PCDHGA7: variants seen among roughly 807,000 people sequenced by gnomAD.
PCDHGA7 encodes protocadherin gamma-A7.
A neutral mutation model predicts 58.3 loss-of-function variants in PCDHGA7; 44 were observed. The ratio of observed to expected loss-of-function variants is 0.75; its 90% CI spans 0.59 to 0.97. PCDHGA7 has a LOEUF of 0.97. PCDHGA7 is among the 50% of genes least tolerant of loss of function. The pLI is 0.00. For synonymous variants in PCDHGA7, 516 were observed against 504.2 expected (o/e 1.02, Z -0.31); for missense variants, 1,266 against 1,188.7 (o/e 1.06, Z -0.96).
rs780268305 is a variant in PCDHGA7, at chr5:141,410,637, T to G, written c.2424+25314T>G. 1.9e-6 allele frequency: 3 copies of G among 1,599,938 alleles called. No homozygotes were observed. In the South Asian group the frequency reaches 3.3e-5, roughly 18 times the overall value. ...CTGACTTCGGTGAGTTTCTCTTTTT[T>G]GTGTGTGATTTATCTAATAGTCTAC... On this transcript the variant is annotated intron_variant, in intron 1 of 3. Transcript: ENST00000518325.
chr5:141,509,839 T>C (rs1277859334), intron 3 of PCDHGA7, among the ~76,000 whole-genome samples: 4 of 152,162 alleles, frequency 2.6e-5, no homozygotes, highest in Non-Finnish European at 5.9e-5. Context: ...CTACCTCCCA[T>C]TCACTCAGAA....
Position 141,418,242 on chromosome 5 carries a change from A to T in PCDHGA7, c.2424+32919A>T, listed in dbSNP as rs779996033. ...ATTGTGGTGATTGAGGATGTTAATG[A>T]CCACGCCCCTCAATTCCGGAAAGAT... On this transcript the variant is annotated intron_variant, in intron 1 of 3. Transcript: ENST00000518325. The T allele has an allele frequency of 3.7e-6, 6 of 1,613,896 alleles. No individual in the cohort carries two copies. The East Asian group carries it at 1.3e-4, about 36-fold the overall frequency.
intron 2 of PCDHGA7, among the ~76,000 whole-genome samples, chr5:141,497,522 G>A (rs998999424): frequency 3.3e-5 from 5 of 150,848 alleles, no homozygotes; most frequent in African/African-American, 4.9e-5. Flanking sequence ...TAGTTAACTT[G>A]TGGAGGATGC....
intron 1 of PCDHGA7, chr5:141,400,262 G>A: frequency 6.2e-7 from 1 of 1,614,032 alleles, no homozygotes; most frequent in Non-Finnish European, 8.5e-7. Flanking sequence ...TTGCGCCTGC[G>A]ACGCTCCTCC....
At position 141,384,937 on chromosome 5, in the gene PCDHGA7, C is replaced by T. The variant is rs373048330; in HGVS notation, c.2038C>T (p.Pro680Ser). ...EVLADLGSLE[P>S]SDGPYNYDLT... ...CTTGGCCGACCTGGGCAGCCTTGAG[C>T]CCTCCGACGGTCCTTACAACTATGA... The change falls in exon 1 of 4, where the codon CCC becomes TCC. Residue 680 changes from proline (P) to serine (S), a missense_variant. Coordinates refer to ENST00000518325, the MANE Select transcript of PCDHGA7 (RefSeq NM_018920.4). 4.5e-5 allele frequency: 72 copies of T among 1,613,950 alleles called. No homozygotes were observed. The highest frequency in any genetic ancestry group is 2.3e-4 in the Admixed American group (14 of 60,012).
chr5:141,425,555 A>C (rs1282440598), intron 1 of PCDHGA7, among the ~76,000 whole-genome samples: 2 of 152,388 alleles, frequency 1.3e-5, no homozygotes, highest in Middle Eastern at 6.8e-3. Context: ...AACCTCTTTT[A>C]TAAGTGATAA....
At position 141,476,632 on chromosome 5, in the gene PCDHGA7, T is replaced by A. The variant is rs994726301; in HGVS notation, c.2425-18175T>A. ...TGGGAAGCAACTCTTTACAAACCTATGAGCTGAGCCGAAATGAATACTTTG... is the reference window on the plus strand; with the variant it reads ...TGGGAAGCAACTCTTTACAAACCTAAGAGCTGAGCCGAAATGAATACTTTG... On this transcript the variant is annotated intron_variant, in intron 1 of 3. Transcript: ENST00000518325. The surrounding 1 kb of genome is among the most constrained non-coding windows in gnomAD (Gnocchi z 7.6). 1 of 1,614,216 alleles carries A rather than the reference T, an allele frequency of 6.2e-7. No individual in the cohort carries two copies. The highest frequency in any genetic ancestry group is 8.5e-7 in the Non-Finnish European group (1 of 1,180,028).
chr5:141,399,405 G>A (rs768053678), intron 1 of PCDHGA7: 1 of 1,613,974 alleles, frequency 6.2e-7, no homozygotes, highest in Admixed American at 1.7e-5. Flanking sequence ...GGGGCAAGCC[G>A]CCCCTCTCCT....
rs779392461 is a variant in PCDHGA7, at chr5:141,428,623, TC to T, written c.2424+43301del. 3.1e-5 allele frequency: 6 copies of T among 193,516 alleles called. No individual in the cohort carries two copies. In the East Asian group the frequency reaches 5.4e-4, roughly 17 times the overall value. 12.0% of individuals were successfully genotyped at this position (193,516 alleles called of 1,614,324 possible). ...CACTGAAGAGAATAACAAGATAAGC[TC>T]TAACTCTGTTGCTCCTACTCACGTG... On this transcript the variant is annotated intron_variant, in intron 1 of 3. Coordinates refer to ENST00000518325, the MANE Select transcript of PCDHGA7 (RefSeq NM_018920.4).
Position 141,486,098 on chromosome 5 carries a change from G to A in PCDHGA7, c.2425-8709G>A, listed in dbSNP as rs1211678224. ...AAAGCTTACTCTTTTGGGGCCCCTA[G>A]ACTTTGAGAGTGAGAATTACTATGA... On this transcript the variant is annotated intron_variant, in intron 1 of 3. Transcript: ENST00000518325. This position sits in a 1 kb window ranked among gnomAD's most constrained non-coding sequence, Gnocchi z 5.0. 5.0e-6 allele frequency: 8 copies of A among 1,614,032 alleles called. No homozygotes were observed. Among genetic ancestry groups the A allele is most frequent in the Admixed American group, 3.3e-5 (2 of 59,994 alleles).
chr5:141,450,479 G>GTTTT (rs1165567597), intron 1 of PCDHGA7, among the ~76,000 whole-genome samples: 124 of 152,020 alleles, frequency 8.2e-4, no homozygotes, highest in African/African-American at 2.9e-3. Flanking sequence ...GAGTTTGTTT[G>GTTTT]TTTGTTTGTC....
chr5:141,419,075 A>G, intron 1 of PCDHGA7: 1 of 1,613,968 alleles, frequency 6.2e-7, no homozygotes, highest in Non-Finnish European at 8.5e-7. Context: ...CAAGCTAGTA[A>G]CAGATGAGGC....
chr5:141,385,609 A>AT (rs1360178959), intron 1 of PCDHGA7: 2 of 1,138,046 alleles, frequency 1.8e-6, no homozygotes, highest in African/African-American at 3.2e-5. Flanking sequence ...TAACTCATAT[A>AT]TTTTATACAT....
chr5:141,400,005 T>A, intron 1 of PCDHGA7: 1 of 1,612,520 alleles, frequency 6.2e-7, no homozygotes, highest in Non-Finnish European at 8.5e-7. Context: ...GCACAGCGCG[T>A]GCCTTGGGCG....
rs371619613 is a variant in PCDHGA7 at position 141,444,258 on chromosome 5, G to A, written c.2425-50549G>A. The stretch of plus-strand genomic sequence containing the variant: ...ATGCTCTCGGCTCACTGCAACCTCC[G>A]CCTCCCAGGTTCAAGTGATTCTCCT... On this transcript the variant is annotated intron_variant, in intron 1 of 3. Coordinates refer to ENST00000518325, the MANE Select transcript of PCDHGA7 (RefSeq NM_018920.4). 1.3e-4 allele frequency among the ~76,000 whole-genome samples: 16 copies of A among 127,752 alleles called. No homozygotes were observed. The South Asian group carries it at 2.7e-3, about 21-fold the overall frequency. The allele number at this position is 127,752 out of a possible 152,430, so 83.8% of individuals were successfully genotyped here.
chr5:141,447,738 A>C (rs1365302023), intron 1 of PCDHGA7, among the ~76,000 whole-genome samples: 7 of 152,216 alleles, frequency 4.6e-5, no homozygotes, highest in Non-Finnish European at 8.8e-5. Context: ...ATTGAACTTA[A>C]GAGTCTTGCA....
chr5:141,397,988 C>A, intron 1 of PCDHGA7: 2 of 1,327,490 alleles, frequency 1.5e-6, no homozygotes, highest in Non-Finnish European at 1.0e-6. Flanking sequence ...CTTTACACCG[C>A]TTCCTCCTCG....
intron 1 of PCDHGA7, among the ~76,000 whole-genome samples, chr5:141,460,961 A>ATATG (rs1463306338): frequency 3.5e-5 from 5 of 144,556 alleles, no homozygotes; most frequent in African/African-American, 1.3e-4. Flanking sequence ...GTATATATAT[A>ATATG]TGTGTGTGTG....
intron 1 of PCDHGA7, among the ~76,000 whole-genome samples, chr5:141,482,442 C>T (rs942933015): frequency 1.4e-5 from 2 of 147,678 alleles, no homozygotes; most frequent in Non-Finnish European, 3.0e-5. Flanking sequence ...CTGATATTCA[C>T]CATTTATTAG....
Sources: allele counts gnomAD v4.1 joint callset (sites outside exome capture counted in the v4.1 genomes callset), GRCh38; gene constraint gnomAD v4.1.1; non-coding constraint Gnocchi (gnomAD v3.1); transcripts MANE v1.5; gene names NCBI Gene and HGNC (gene_info 2026-07-23, HGNC 2026-07-21).